AGBL1: variants seen among roughly 807,000 people sequenced by gnomAD.
AGBL1 encodes cytosolic carboxypeptidase 4.
In AGBL1, 130 loss-of-function variants were observed where a neutral mutation model predicts 118.9. The observed-to-expected ratio is 1.09, with a 90% CI of 0.95 to 1.26. The LOEUF (loss-of-function observed/expected upper bound fraction) is 1.26, where lower values mean the gene tolerates loss of function less well. AGBL1 is among the 50% of genes most tolerant of loss of function. The pLI, the probability that AGBL1 is intolerant of heterozygous loss-of-function variation, is 0.00. For missense variants in AGBL1, 1,584 were observed against 1,298.1 expected (o/e 1.22, Z -3.38); for synonymous variants, 555 against 478.9 (o/e 1.16, Z -2.08).
chr15:86,506,191 G>T (rs2082974290), intron 18 of AGBL1, among the ~76,000 whole-genome samples: 1 of 151,948 alleles, frequency 6.6e-6, no homozygotes. Flanking sequence ...GAACCTCAAG[G>T]TTTGTCAGGA....
chr15:86,921,041 C>T (rs758110166), downstream of AGBL1, among the ~76,000 whole-genome samples: 9 of 152,138 alleles, frequency 5.9e-5, no homozygotes, highest in East Asian at 3.9e-4. Context: ...ACCTCCCCAG[C>T]GGCTTCTAGG....
intron 24 of AGBL1, among the ~76,000 whole-genome samples, chr15:86,998,789 T>G (rs1211552088): frequency 6.6e-6 from 1 of 152,142 alleles, no homozygotes; most frequent in Non-Finnish European, 1.5e-5. Flanking sequence ...AAGACACTTC[T>G]GACAAGTTAG....
intron 22 of AGBL1, among the ~76,000 whole-genome samples, chr15:86,822,156 C>G (rs775332744): frequency 1.3e-5 from 2 of 152,094 alleles, no homozygotes; most frequent in Admixed American, 6.6e-5. Flanking sequence ...TATTTGCCTC[C>G]TTTTTTGCCC....
intron 5 of AGBL1, among the ~76,000 whole-genome samples, chr15:86,222,565 G>A (rs2078296588): frequency 6.6e-6 from 1 of 152,120 alleles, no homozygotes; most frequent in African/African-American, 2.4e-5. Context: ...TACCTACAGA[G>A]TTGAATGTTA....
At chr15:86,641,805 T>A (rs1279788743) in intron 21 of AGBL1, among the ~76,000 whole-genome samples, 1 of 152,116 alleles carries the variant, frequency 6.6e-6, no homozygotes, top group Non-Finnish European at 1.5e-5. Flanking sequence ...GTCAACTATT[T>A]TTGCAGCAAT....
At chr15:86,739,265 A>G (rs926450354) in intron 22 of AGBL1, among the ~76,000 whole-genome samples, 2 of 151,882 alleles carry the variant, frequency 1.3e-5, no homozygotes, top group African/African-American at 4.8e-5. Flanking sequence ...CAAACATGGA[A>G]AAACCTTGTC....
At chr15:86,374,696 T>C in intron 17 of AGBL1, among the ~76,000 whole-genome samples, 1 of 152,238 alleles carries the variant, frequency 6.6e-6, no homozygotes, top group East Asian at 1.9e-4. Flanking sequence ...TGCTTTTAGC[T>C]CCTGATTTGC....
At chr15:86,649,518 A>G (rs2085335441) in intron 21 of AGBL1, among the ~76,000 whole-genome samples, 1 of 152,174 alleles carries the variant, frequency 6.6e-6, no homozygotes, top group Non-Finnish European at 1.5e-5. Context: ...GTTTTTCCCT[A>G]CCTATATTCA....
At chr15:86,186,428 C>G (rs921838609) in intron 5 of AGBL1, among the ~76,000 whole-genome samples, 1 of 152,220 alleles carries the variant, frequency 6.6e-6, no homozygotes, top group Non-Finnish European at 1.5e-5. Context: ...GTCTCTGGAC[C>G]TCACGTCCTG....
chr15:86,487,683 A>G (rs1175733850), intron 18 of AGBL1, among the ~76,000 whole-genome samples: 1 of 151,954 alleles, frequency 6.6e-6, no homozygotes, highest in African/African-American at 2.4e-5. Flanking sequence ...TTGCCCCTAA[A>G]TCCCATCTAT....
chr15:86,492,353 G>T (rs1485907637), intron 18 of AGBL1, among the ~76,000 whole-genome samples: 1 of 152,078 alleles, frequency 6.6e-6, no homozygotes, highest in African/African-American at 2.4e-5. Flanking sequence ...GCAAAGGGAG[G>T]CCAAGGTGGG....
intron 18 of AGBL1, among the ~76,000 whole-genome samples, chr15:86,462,116 T>C (rs2082341665): frequency 1.3e-5 from 2 of 152,210 alleles, no homozygotes; most frequent in Non-Finnish European, 2.9e-5. Flanking sequence ...CAGAATCCTA[T>C]AGGAGTTGAA....
rs191702982 is a variant in AGBL1, at chr15:86,557,958, C to T, written c.2994+3421C>T. Among the ~76,000 whole-genome samples, 36 of 152,004 alleles carry T rather than the reference C, an allele frequency of 2.4e-4. No individual in the cohort carries two copies. In the East Asian group the frequency reaches 5.2e-3, roughly 22 times the overall value. ...ATTCTGAAATGGAGATATTAAGAGT[C>T]GTTGCAATGGGTAGAGCTGGAAAAT... On this transcript the variant is annotated intron_variant, in intron 21 of 22. Transcript: ENST00000614907.
chr15:86,253,805 G>T (rs2078854099), intron 7 of AGBL1, among the ~76,000 whole-genome samples: 1 of 152,106 alleles, frequency 6.6e-6, no homozygotes, highest in Non-Finnish European at 1.5e-5. Flanking sequence ...GTTTGGTAGG[G>T]TTAAGTACAT....
intron 23 of AGBL1, among the ~76,000 whole-genome samples, chr15:86,986,156 T>G (rs1044268917): frequency 6.6e-6 from 1 of 152,180 alleles, no homozygotes; most frequent in African/African-American, 2.4e-5. Context: ...ACTCCTGGCC[T>G]CAGGTGATCC....
intron 22 of AGBL1, among the ~76,000 whole-genome samples, chr15:86,769,316 T>C (rs2078140332): frequency 6.6e-6 from 1 of 151,950 alleles, no homozygotes; most frequent in South Asian, 2.1e-4. Context: ...ATCTTCATTA[T>C]CCCAGGCTAT....
At chr15:86,299,512 C>G (rs1189435866) in intron 17 of AGBL1, among the ~76,000 whole-genome samples, 1 of 151,990 alleles carries the variant, frequency 6.6e-6, no homozygotes, top group Non-Finnish European at 1.5e-5. Flanking sequence ...AGGAGGAACA[C>G]ACAGAATCCA....
intron 18 of AGBL1, among the ~76,000 whole-genome samples, chr15:86,423,692 C>T (rs749645402): frequency 4.6e-5 from 7 of 152,150 alleles, no homozygotes; most frequent in South Asian, 2.1e-4. Context: ...GCAAAGTCTC[C>T]GTATACAAAA....
rs1400262489 is a variant in AGBL1, at chr15:86,909,797, A to G, written c.*2503A>G. On this transcript the variant is annotated 3_prime_UTR_variant, in exon 23 of 23. Coordinates refer to ENST00000614907, the MANE Select transcript of AGBL1 (RefSeq NM_001386094.1). Reference sequence around the variant, plus strand: ...TGGGAATGATGCTAGCTTATCATTAATTATTATTTCAGCCCAAATTAGTTT... The same window carrying G: ...TGGGAATGATGCTAGCTTATCATTAGTTATTATTTCAGCCCAAATTAGTTT... 6.6e-6 allele frequency: 1 copy of G among 152,212 alleles called. No homozygotes were observed. Among genetic ancestry groups the G allele is most frequent in the East Asian group, 1.9e-4 (1 of 5,192 alleles). The allele number at this position is 152,212 out of a possible 1,614,324, so 9.4% of individuals were successfully genotyped here.
Sources: allele counts gnomAD v4.1 joint callset (sites outside exome capture counted in the v4.1 genomes callset), GRCh38; gene constraint gnomAD v4.1.1; transcripts MANE v1.5; gene names NCBI Gene and HGNC (gene_info 2026-07-23, HGNC 2026-07-21).